The following TCF12 variants were observed in gnomAD, a reference collection of about 807,000 sequenced individuals.
TCF12 encodes DNA-binding protein HTF4.
In TCF12, 45 loss-of-function variants were observed where a neutral mutation model predicts 86.0. That is an observed-to-expected ratio of 0.52 (90% confidence interval 0.41 to 0.67). The LOEUF (loss-of-function observed/expected upper bound fraction) is 0.67, where lower values mean the gene tolerates loss of function less well. Among genes scored for constraint, TCF12 ranks in the 30% least tolerant of loss-of-function variants. TCF12 has a pLI of 0.00. For missense variants in TCF12, 881 were observed against 859.9 expected (o/e 1.02, Z -0.31); for synonymous variants, 330 against 299.6 (o/e 1.10, Z -1.05).
chr15:57,205,292 G>A (rs2057756688), intron 8 of TCF12, among the ~76,000 whole-genome samples: 1 of 152,058 alleles, frequency 6.6e-6, no homozygotes, highest in Non-Finnish European at 1.5e-5. Context: ...GACAGACTGA[G>A]ACCCTGTCTT....
chr15:57,239,513 C>A (rs1379902903), intron 12 of TCF12, among the ~76,000 whole-genome samples: 1 of 66,802 alleles, frequency 1.5e-5, no homozygotes. Flanking sequence ...AAGACTCCAT[C>A]TCAAAAAAAA....
intron 5 of TCF12, among the ~76,000 whole-genome samples, chr15:57,097,866 A>G (rs1316641735): frequency 1.3e-5 from 2 of 152,176 alleles, no homozygotes; most frequent in East Asian, 3.9e-4. Context: ...AGTTTGAAAC[A>G]TGGCCCTGGC....
intron 5 of TCF12, among the ~76,000 whole-genome samples, chr15:57,121,902 T>C (rs11636100): frequency 0.36 from 54,980 of 152,032 alleles, 12,353 homozygotes; most frequent in Non-Finnish European, 0.49. Context: ...TGTGGAGTTA[T>C]ATATAACTTA....
intron 6 of TCF12, among the ~76,000 whole-genome samples, chr15:57,185,547 A>C (rs538600801): frequency 9.2e-5 from 14 of 152,238 alleles, no homozygotes; most frequent in Non-Finnish European, 1.9e-4. Flanking sequence ...AGAAATAAAC[A>C]AAATAGAGAC....
At chr15:57,050,882 G>A (rs1266299226) in intron 3 of TCF12, among the ~76,000 whole-genome samples, 3 of 152,068 alleles carry the variant, frequency 2.0e-5, no homozygotes, top group Non-Finnish European at 4.4e-5. Flanking sequence ...TCTGTCTTAA[G>A]AGCCTCCATT....
At chr15:57,271,397 G>C (rs770281833) in intron 18 of TCF12, among the ~76,000 whole-genome samples, 15 of 152,244 alleles carry the variant, frequency 9.9e-5, no homozygotes, top group Admixed American at 5.9e-4. Context: ...CACCAGGCCA[G>C]GCACGGGAGG....
intron 4 of TCF12, among the ~76,000 whole-genome samples, chr15:57,064,812 A>AAAAAAAAAAAAAAAAAAAAAAAG (rs554263213): frequency 1.6e-5 from 2 of 123,420 alleles, no homozygotes; most frequent in Admixed American, 1.0e-4. Flanking sequence ...AAAAAAAAAA[A>AAAAAAAAAAAAAAAAAAAAAAAG]AGAGAGAGAG....
Position 57,166,475 on chromosome 15 carries a change from A to G in TCF12, c.390+9A>G. Reference sequence around the variant, plus strand: ...GATTACCAGGCTGTCAAGTAAGTTTAATGATTAAAAAAAGCAATGAGATGG... The same window carrying G: ...GATTACCAGGCTGTCAAGTAAGTTTGATGATTAAAAAAAGCAATGAGATGG... On this transcript the variant is annotated intron_variant, in intron 6 of 20. Coordinates refer to ENST00000333725, the MANE Select transcript of TCF12 (RefSeq NM_207037.2). The G allele has an allele frequency of 1.2e-6, 2 of 1,609,716 alleles. No homozygotes were observed. Among genetic ancestry groups the G allele is most frequent in the Non-Finnish European group, 1.7e-6 (2 of 1,178,126 alleles).
At chr15:57,015,939 C>G (rs1370795817) in intron 3 of TCF12, among the ~76,000 whole-genome samples, 1 of 152,188 alleles carries the variant, frequency 6.6e-6, no homozygotes, top group South Asian at 2.1e-4. Context: ...AACATAATGA[C>G]TTGTATTGTA....
intron 5 of TCF12, among the ~76,000 whole-genome samples, chr15:57,136,970 GTTTTTTTTTT>G (rs1402740121): frequency 4.9e-5 from 2 of 40,830 alleles, no homozygotes; most frequent in African/African-American, 8.5e-5. Context: ...TTTTTTTTTT[GTTTTTTTTTT>G]TTTTTTTTTT....
chr15:57,064,418 A>G (rs568029616), intron 4 of TCF12, among the ~76,000 whole-genome samples: 1 of 152,118 alleles, frequency 6.6e-6, no homozygotes, highest in African/African-American at 2.4e-5. Context: ...TGAGACCAGG[A>G]GGTGGAAAAT....
chr15:57,091,542 C>T (rs1318487057), intron 4 of TCF12, among the ~76,000 whole-genome samples: 1 of 152,164 alleles, frequency 6.6e-6, no homozygotes, highest in Non-Finnish European at 1.5e-5. Context: ...CATTCGTGCT[C>T]ATGGTTAGTG....
At chr15:57,035,440 A>T (rs1245666650) in intron 3 of TCF12, among the ~76,000 whole-genome samples, 1 of 151,968 alleles carries the variant, frequency 6.6e-6, no homozygotes. Flanking sequence ...ATTTTTTAAA[A>T]TTTTTTTGTA....
At chr15:57,167,026 G>A (rs1037415834) in intron 6 of TCF12, among the ~76,000 whole-genome samples, 2 of 152,060 alleles carry the variant, frequency 1.3e-5, no homozygotes, top group Non-Finnish European at 2.9e-5. Context: ...CAATTCACCT[G>A]CAGATTCCCA....
intron 6 of TCF12, 75 bp downstream of exon 6, chr15:57,166,541 T>C: frequency 3.9e-6 from 5 of 1,282,460 alleles, no homozygotes; most frequent in Non-Finnish European, 5.5e-6. Flanking sequence ...ATAGATGAGA[T>C]AGAAATTATC....
intron 3 of TCF12, among the ~76,000 whole-genome samples, chr15:57,042,768 T>C (rs1379967384): frequency 6.6e-6 from 1 of 152,142 alleles, no homozygotes; most frequent in Non-Finnish European, 1.5e-5. Context: ...TTGTTTTTTA[T>C]TGTGGTTAAA....
chr15:57,074,877 A>C (rs780809252), intron 4 of TCF12, among the ~76,000 whole-genome samples: 20 of 152,232 alleles, frequency 1.3e-4, no homozygotes, highest in Non-Finnish European at 4.4e-5. Flanking sequence ...GGCATTTAAG[A>C]GACCTAAATT....
intron 8 of TCF12, among the ~76,000 whole-genome samples, chr15:57,199,064 C>G (rs1483661906): frequency 6.6e-6 from 1 of 152,178 alleles, no homozygotes; most frequent in Non-Finnish European, 1.5e-5. Flanking sequence ...TCTGAACCTG[C>G]AGCCTACCTG....
chr15:56,931,128 C>T (rs759829440), intron 3 of TCF12, among the ~76,000 whole-genome samples: 80 of 151,524 alleles, frequency 5.3e-4, no homozygotes, highest in Admixed American at 2.0e-4. Context: ...TTTTTGTTCT[C>T]AAAAGTCTCA....
Sources: allele counts gnomAD v4.1 joint callset (sites outside exome capture counted in the v4.1 genomes callset), GRCh38; gene constraint gnomAD v4.1.1; transcripts MANE v1.5; gene names NCBI Gene and HGNC (gene_info 2026-07-23, HGNC 2026-07-21).